SERPINE2: variants seen among roughly 807,000 people sequenced by gnomAD.
The protein encoded by SERPINE2 is serpin family E member 2, also known as glia-derived nexin.
Under a neutral mutation model 36.3 loss-of-function variants are expected in SERPINE2, and 14 were observed. That is an observed-to-expected ratio of 0.39 (90% CI 0.25 to 0.60). SERPINE2 has a LOEUF of 0.60. SERPINE2 is among the 20% of genes least tolerant of loss of function. SERPINE2 has a pLI of 0.57. For synonymous variants in SERPINE2, 192 were observed against 191.8 expected, an observed-to-expected ratio of 1.00 and a Z score of -0.01; for missense variants, 418 against 499.6, an observed-to-expected ratio of 0.84 and a Z score of 1.56.
chr2:223,998,475 TGA>T, intron 2 of SERPINE2, 133 bp from the exon 3 acceptor site: 1 of 647,628 alleles, frequency 1.5e-6, no homozygotes, highest in Admixed American at 2.8e-5. Context: ...CCCAGCAATT[TGA>T]GAGGCTGAGG....
rs1427755954 is a variant in SERPINE2, at chr2:223,975,592, TA to T, written c.*274del. The T allele has an allele frequency of 3.1e-6, 1 of 324,160 alleles. No individual in the cohort carries two copies. Among genetic ancestry groups the T allele is most frequent in the African/African-American group, 2.1e-5 (1 of 47,008 alleles). The allele number at this position is 324,160 out of a possible 1,614,324, so 20.1% of individuals were successfully genotyped here. On this transcript the variant is annotated 3_prime_UTR_variant, in exon 9 of 9. Coordinates refer to ENST00000409304, the MANE Select transcript of SERPINE2 (RefSeq NM_001136528.2). ...AACAGCAAATACTCAACAGGGTTGT[TA>T]ACCTAGGTAACAGTTCAGTAGTTTA...
chr2:224,012,261 T>G (rs113105716), intron 1 of SERPINE2, among the ~76,000 whole-genome samples: 1,829 of 152,328 alleles, frequency 0.012, 44 homozygotes, highest in African/African-American at 0.042. Flanking sequence ...CAGGGATTGC[T>G]TCTGGGAGAA....
At chr2:224,038,476 T>TA (rs1692600875) in intron 1 of SERPINE2, 1 of 1,550,786 alleles carries the variant, frequency 6.4e-7, no homozygotes, top group South Asian at 1.2e-5. Flanking sequence ...CTGAGTACCG[T>TA]ACTTTCATTT....
chr2:223,993,217 A>G (rs1690741474), intron 3 of SERPINE2, among the ~76,000 whole-genome samples: 1 of 152,214 alleles, frequency 6.6e-6, no homozygotes, highest in South Asian at 2.1e-4. Flanking sequence ...TGCTCTTTAC[A>G]AGACGTTGGG....
chr2:223,993,467 A>G (rs1690754085), intron 3 of SERPINE2, among the ~76,000 whole-genome samples: 1 of 151,928 alleles, frequency 6.6e-6, no homozygotes, highest in Non-Finnish European at 1.5e-5. Flanking sequence ...TGTGTTTTTA[A>G]ATAGGGATCA....
chr2:223,987,591 G>A (rs1374397894), intron 4 of SERPINE2, among the ~76,000 whole-genome samples: 4 of 152,204 alleles, frequency 2.6e-5, no homozygotes, highest in Non-Finnish European at 5.9e-5. Context: ...ATTCTGAAAA[G>A]GAGCGGAGGT....
intron 1 of SERPINE2, chr2:224,038,817 G>A (rs1006065252): frequency 1.0e-5 from 4 of 384,810 alleles, no homozygotes; most frequent in African/African-American, 2.1e-5. Context: ...ACGCCACCCC[G>A]GGGCGGCCCC....
rs1690059815 is a variant in SERPINE2, at chr2:223,977,540, T to C, written c.1156+4A>G. On this transcript the variant is annotated splice_donor_region_variant and intron_variant, in intron 8 of 8. Coordinates refer to ENST00000409304, the MANE Select transcript of SERPINE2 (RefSeq NM_001136528.2). ...GGGCATGATGGAAGAGGAGAGTCAC[T>C]TACCTGTAGGATTATGTCGGATGAA... 1 of 1,587,250 alleles carries C rather than the reference T, an allele frequency of 6.3e-7. No homozygotes were observed. The highest frequency in any genetic ancestry group is 8.7e-7 in the Non-Finnish European group (1 of 1,155,574).
chr2:223,982,880 T>C (rs1189046006), intron 5 of SERPINE2, 99 bp from the exon 6 acceptor site: 3 of 780,214 alleles, frequency 3.8e-6, no homozygotes, highest in Non-Finnish European at 6.2e-6. Context: ...TTAAAGTTAA[T>C]ATCTGAATAC....
chr2:224,011,100 G>A (rs951102846), intron 1 of SERPINE2, among the ~76,000 whole-genome samples: 4 of 152,060 alleles, frequency 2.6e-5, no homozygotes, highest in South Asian at 4.1e-4. Flanking sequence ...TATGTTTTTC[G>A]GTCTGCTGAC....
intron 2 of SERPINE2, among the ~76,000 whole-genome samples, chr2:224,000,887 T>C (rs1167337100): frequency 6.6e-6 from 1 of 152,224 alleles, no homozygotes; most frequent in Non-Finnish European, 1.5e-5. Context: ...CTGCATAGTA[T>C]TCCATGGTGT....
intron 4 of SERPINE2, among the ~76,000 whole-genome samples, chr2:223,991,069 C>T (rs527536137): frequency 2.6e-5 from 4 of 152,232 alleles, no homozygotes; most frequent in Admixed American, 1.3e-4. Flanking sequence ...TCTCTATTGA[C>T]GTGTGAATAT....
chr2:223,998,554 C>G (rs767188553), intron 2 of SERPINE2, among the ~76,000 whole-genome samples: 3 of 151,866 alleles, frequency 2.0e-5, no homozygotes, highest in Non-Finnish European at 2.9e-5. Context: ...CCTGTCTCTA[C>G]CAAAAATACA....
intron 6 of SERPINE2, chr2:223,981,380 G>A (rs190278040): frequency 1.3e-5 from 2 of 152,250 alleles, no homozygotes; most frequent in Admixed American, 6.6e-5. Flanking sequence ...TCTTTGCTGG[G>A]CTGAGGGACT....
intron 1 of SERPINE2, among the ~76,000 whole-genome samples, chr2:224,018,235 T>C (rs903570563): frequency 3.9e-5 from 6 of 152,224 alleles, no homozygotes; most frequent in Admixed American, 1.3e-4. Context: ...TTTCCAAGGC[T>C]GCCAACCTCA....
At chr2:224,025,991 G>A (rs569089444) in intron 1 of SERPINE2, among the ~76,000 whole-genome samples, 2 of 152,328 alleles carry the variant, frequency 1.3e-5, no homozygotes, top group Non-Finnish European at 2.9e-5. Flanking sequence ...CTTCAAGGTA[G>A]GTGGGCGTGA....
Position 224,019,796 on chromosome 2 carries a change from G to C in SERPINE2, c.-22-17874C>G, listed in dbSNP as rs1574844493. Among the ~76,000 whole-genome samples the C allele has an allele frequency of 2.3e-5, 3 of 131,708 alleles. No homozygotes were observed. The Admixed American group carries it at 2.6e-4, about 12-fold the overall frequency. 86.4% of individuals were successfully genotyped at this position (131,708 alleles called of 152,430 possible). ...AAAAAAAAGAATGTACACATTTCTA[G>C]AGCAAAGTTTCACAACCTTGTCACT... On this transcript the variant is annotated intron_variant, in intron 1 of 8. Transcript: ENST00000409304.
intron 1 of SERPINE2, among the ~76,000 whole-genome samples, chr2:224,038,302 C>A (rs187342574): frequency 6.6e-6 from 1 of 152,198 alleles, no homozygotes. Context: ...CGAGATTTCT[C>A]CAGAGACACA....
chr2:224,031,031 A>G, intron 1 of SERPINE2: 2 of 985,438 alleles, frequency 2.0e-6, no homozygotes, highest in South Asian at 4.7e-5. Context: ...TACTAGGGCT[A>G]TCACGCAGCA....
Sources: allele counts gnomAD v4.1 joint callset (sites outside exome capture counted in the v4.1 genomes callset), GRCh38; gene constraint gnomAD v4.1.1; transcripts MANE v1.5; gene names NCBI Gene and HGNC (gene_info 2026-07-23, HGNC 2026-07-21).